TRMT61B: variants seen among roughly 807,000 people sequenced by gnomAD.
TRMT61B encodes tRNA (adenine(58)-N(1))-methyltransferase, mitochondrial.
In TRMT61B, 56 loss-of-function variants were observed where a neutral mutation model predicts 52.0. That is an observed-to-expected ratio of 1.08 (90% CI 0.87 to 1.35). The LOEUF is 1.35. TRMT61B is among the 40% of genes most tolerant of loss of function. The probability of loss-of-function intolerance (pLI) is 0.00; values close to 1 mark genes in which losing one functional copy is unlikely to be tolerated. For missense variants in TRMT61B, 650 were observed against 577.9 expected, an observed-to-expected ratio of 1.12 and a Z score of -1.28; for synonymous variants, 206 against 220.0, an observed-to-expected ratio of 0.94 and a Z score of 0.56.
chr2:28,856,923 C>T (rs530622730), intron 3 of TRMT61B, among the ~76,000 whole-genome samples: 1 of 152,166 alleles, frequency 6.6e-6, no homozygotes, highest in Non-Finnish European at 1.5e-5. Context: ...GCATGAACCA[C>T]TGCGCCTGGC....
At chr2:28,857,914 T>C (rs1669415404) in intron 3 of TRMT61B, among the ~76,000 whole-genome samples, 1 of 152,228 alleles carries the variant, frequency 6.6e-6, no homozygotes, top group Non-Finnish European at 1.5e-5. Context: ...TATTCTCTTA[T>C]AATGCTTTTT....
chr2:28,857,338 G>A (rs992100567), intron 3 of TRMT61B, among the ~76,000 whole-genome samples: 1 of 152,010 alleles, frequency 6.6e-6, no homozygotes, highest in Non-Finnish European at 1.5e-5. Context: ...CACGACACAT[G>A]GCAGGTTCTT....
At chr2:28,857,807 A>G (rs1669410531) in intron 3 of TRMT61B, among the ~76,000 whole-genome samples, 1 of 152,184 alleles carries the variant, frequency 6.6e-6, no homozygotes, top group African/African-American at 2.4e-5. Context: ...GAAGTTGGTA[A>G]CATTCCCAAA....
intron 1 of TRMT61B, among the ~76,000 whole-genome samples, chr2:28,867,786 C>T (rs932863163): frequency 3.9e-5 from 6 of 152,106 alleles, no homozygotes; most frequent in African/African-American, 7.2e-5. Flanking sequence ...TGGCCAGGAG[C>T]GGTCGTTCTC....
chr2:28,850,029 G>C lies in TRMT61B; in HGVS notation c.*170C>G. The stretch of plus-strand genomic sequence containing the variant: ...AGTGTCAAAATGGGATGTTTAAGCA[G>C]TTTTGCTATGTTATACATCTTTTAG... On this transcript the variant is annotated 3_prime_UTR_variant, in exon 7 of 7. Coordinates refer to ENST00000306108, the MANE Select transcript of TRMT61B (RefSeq NM_017910.4). The C allele has an allele frequency of 8.2e-7, 1 of 1,218,184 alleles. No homozygotes were observed. The highest frequency in any genetic ancestry group is 1.2e-6 in the Non-Finnish European group (1 of 847,250). The allele number at this position is 1,218,184 out of a possible 1,614,324, so 75.5% of individuals were successfully genotyped here.
chr2:28,865,204 A>C (rs1669785429), intron 1 of TRMT61B, 85 bp from the exon 2 acceptor site: 2 of 721,960 alleles, frequency 2.8e-6, no homozygotes, highest in Admixed American at 4.9e-5. Context: ...TTGGGTGTGC[A>C]GAAGAAGGGA....
rs190851121 is a variant in TRMT61B, at chr2:28,850,781, A to T, written c.1312+291T>A. On this transcript the variant is annotated intron_variant, in intron 5 of 6. Coordinates refer to ENST00000306108, the MANE Select transcript of TRMT61B (RefSeq NM_017910.4). ...TGCCTATCAGGTCCCATTAATAATC[A>T]GTGATCTAAATATAAAACATCCTTA... 3.3e-3 allele frequency among the ~76,000 whole-genome samples: 506 copies of T among 152,314 alleles called. 3 individuals are homozygous for T. The highest frequency in any genetic ancestry group is 5.5e-3 in the Non-Finnish European group (371 of 68,014).
chr2:28,851,878 CAAAAAAAAAAA>C (rs1162566474), intron 4 of TRMT61B, among the ~76,000 whole-genome samples: 2 of 18,276 alleles, frequency 1.1e-4, no homozygotes, highest in African/African-American at 2.1e-4. Context: ...GACTCTGTCT[CAAAAAAAAAAA>C]AAAAAAAAAA....
At chr2:28,862,333 GTTTT>G (rs369559361) in intron 2 of TRMT61B, among the ~76,000 whole-genome samples, 1 of 126,886 alleles carries the variant, frequency 7.9e-6, no homozygotes, top group Non-Finnish European at 1.6e-5. Context: ...TTTGAGTTTG[GTTTT>G]TTTTTTTTTT....
chr2:28,868,161 C>G (rs1420930421), intron 1 of TRMT61B, among the ~76,000 whole-genome samples: 2 of 152,168 alleles, frequency 1.3e-5, no homozygotes, highest in Non-Finnish European at 2.9e-5. Context: ...TAAGAACCTT[C>G]TAATGGTCCT....
intron 2 of TRMT61B, 21 bp downstream of exon 2, chr2:28,864,996 C>T (rs767100225): frequency 1.4e-6 from 2 of 1,406,738 alleles, no homozygotes; most frequent in Middle Eastern, 1.8e-4. Flanking sequence ...TACTGAGATC[C>T]AGCTCAGTCC....
chr2:28,859,442 C>T (rs1372923606), intron 3 of TRMT61B, among the ~76,000 whole-genome samples: 3 of 152,162 alleles, frequency 2.0e-5, no homozygotes, highest in Non-Finnish European at 2.9e-5. Context: ...TCAAGCAGTA[C>T]TCTTACCAAT....
rs140170079 is a variant in TRMT61B, at chr2:28,861,120, C to A, written c.991G>T (p.Ala331Ser). The A allele has an allele frequency of 2.5e-6, 4 of 1,595,082 alleles. No individual in the cohort carries two copies. Among genetic ancestry groups the A allele is most frequent in the Admixed American group, 3.6e-5 (2 of 55,894 alleles). Residue 331 changes from alanine (A) to serine (S), a missense_variant and splice_region_variant, in exon 3 of 7, where the codon GCA becomes TCA. Physicochemically the swap from Ala to Ser is moderately conservative, Grantham distance 99. Coordinates refer to ENST00000306108, the MANE Select transcript of TRMT61B (RefSeq NM_017910.4). ...AGGACCCACGTTAGAAAACTTACTG[C>A]GTCAAATGTTAAAGATTTTATGTCT... The part of the protein sequence containing the change: ...TEDIKSLTFD[A>S]VALDMLNPHV...
chr2:28,858,832 A>AT (rs1408783029), intron 3 of TRMT61B, among the ~76,000 whole-genome samples: 1 of 145,482 alleles, frequency 6.9e-6, no homozygotes, highest in East Asian at 2.0e-4. Context: ...AAAGCTCCGG[A>AT]TTTTTTCAGC....
chr2:28,851,587 A>C (rs1669098117), intron 4 of TRMT61B, among the ~76,000 whole-genome samples: 2 of 152,232 alleles, frequency 1.3e-5, no homozygotes, highest in South Asian at 4.1e-4. Flanking sequence ...AAAATGATTT[A>C]AACAGTAATA....
chr2:28,856,078 G>C (rs1271381570), intron 3 of TRMT61B, among the ~76,000 whole-genome samples: 2 of 152,102 alleles, frequency 1.3e-5, no homozygotes, highest in Admixed American at 6.6e-5. Flanking sequence ...CTATATTATT[G>C]ACAAGGACCA....
chr2:28,850,826 C>T (rs972316131), intron 5 of TRMT61B, among the ~76,000 whole-genome samples: 1 of 152,130 alleles, frequency 6.6e-6, no homozygotes, highest in Non-Finnish European at 1.5e-5. Context: ...AATTATTTCA[C>T]AAACCAAGCT....
chr2:28,860,062 A>G (rs1159686060), intron 3 of TRMT61B, among the ~76,000 whole-genome samples: 1 of 152,004 alleles, frequency 6.6e-6, no homozygotes, highest in East Asian at 1.9e-4. Context: ...ACCTAAGGTT[A>G]GGAGTTCGAG....
intron 2 of TRMT61B, among the ~76,000 whole-genome samples, chr2:28,862,338 T>TC (rs1267253307): frequency 6.8e-6 from 1 of 147,480 alleles, no homozygotes; most frequent in Non-Finnish European, 1.5e-5. Flanking sequence ...GTTTGGTTTT[T>TC]TTTTTTTTTT....
Sources: allele counts gnomAD v4.1 joint callset (sites outside exome capture counted in the v4.1 genomes callset), GRCh38; gene constraint gnomAD v4.1.1; transcripts MANE v1.5; gene names NCBI Gene and HGNC (gene_info 2026-07-23, HGNC 2026-07-21).